TANC2: variants seen among roughly 807,000 people sequenced by gnomAD.
TANC2 encodes tetratricopeptide repeat, ankyrin repeat and coiled-coil containing 2, also known as protein TANC2.
A neutral mutation model predicts 210.5 loss-of-function variants in TANC2; 26 were observed. The ratio of observed to expected loss-of-function variants is 0.12; its 90% confidence interval spans 0.09 to 0.17. The LOEUF is 0.17. Ranked by LOEUF, TANC2 falls within the 10% of genes least tolerant of loss-of-function variation. The pLI is 1.00. For missense variants in TANC2, 2,129 were observed against 2,608.9 expected (o/e 0.82, Z 4.01); for synonymous variants, 931 against 967.1 (o/e 0.96, Z 0.69).
chr17:63,354,988 C>G, exon 14 of TANC2: 1 of 1,613,862 alleles, frequency 6.2e-7, no homozygotes, highest in Non-Finnish European at 8.5e-7. Context: ...AGTCAAGGGT[C>G]CTATCTATAT....
chr17:63,411,768 G>T, intron 22 of TANC2, 82 bp downstream of exon 22: 1 of 1,496,116 alleles, frequency 6.7e-7, no homozygotes, highest in Non-Finnish European at 9.0e-7. Context: ...AAAGTGGAGT[G>T]ATGTATTGAT....
chr17:63,066,554 C>T (rs1410082175), intron 2 of TANC2, among the ~76,000 whole-genome samples: 1 of 152,074 alleles, frequency 6.6e-6, no homozygotes, highest in Non-Finnish European at 1.5e-5. Context: ...GAAAGGAACT[C>T]AACACTCAGA....
At chr17:63,044,569 T>C (rs775363012) in intron 2 of TANC2, among the ~76,000 whole-genome samples, 4 of 152,182 alleles carry the variant, frequency 2.6e-5, no homozygotes, top group Non-Finnish European at 5.9e-5. Context: ...TTCCAGTGAA[T>C]ATCCTTACCC....
chr17:63,143,550 T>C (rs2039362504), intron 4 of TANC2, among the ~76,000 whole-genome samples: 1 of 152,180 alleles, frequency 6.6e-6, no homozygotes, highest in African/African-American at 2.4e-5. Flanking sequence ...TATCACAACC[T>C]CTTTATTTTA....
intron 2 of TANC2, among the ~76,000 whole-genome samples, chr17:63,032,363 T>A (rs546806782): frequency 6.6e-6 from 1 of 152,248 alleles, no homozygotes; most frequent in South Asian, 2.1e-4. Context: ...GTTAGCTGCC[T>A]ATCCCAGTGC....
Position 63,418,823 on chromosome 17 carries a change from C to G in TANC2, c.4268+416C>G, listed in dbSNP as rs988212247. 6.6e-6 allele frequency among the ~76,000 whole-genome samples: 1 copy of G among 152,172 alleles called. No homozygotes were observed. The highest frequency in any genetic ancestry group is 1.9e-4 in the East Asian group (1 of 5,196). On this transcript the variant is annotated intron_variant, in intron 27 of 27. Transcript: ENST00000689528. The surrounding 1 kb of genome is among the most constrained non-coding windows in gnomAD (Gnocchi z 4.6). Reference sequence around the variant, plus strand: ...CATCACAGGTTCCTCTTCCTTCTCCCATAGGCGTTTGAGGAATCCCGGATT... The same window carrying G: ...CATCACAGGTTCCTCTTCCTTCTCCGATAGGCGTTTGAGGAATCCCGGATT...
intron 2 of TANC2, among the ~76,000 whole-genome samples, chr17:63,058,253 A>G (rs1175824411): frequency 6.6e-6 from 1 of 152,022 alleles, no homozygotes; most frequent in Non-Finnish European, 1.5e-5. Flanking sequence ...ATGTCTATTC[A>G]TGTCCTTTGC....
rs57550590 is a variant in TANC2 at position 63,046,325 on chromosome 17, C to CTTTTTTTTTTTTTTTTTTTT, written c.68-27613_68-27594dup. On this transcript the variant is annotated intron_variant, in intron 2 of 27. Transcript: ENST00000689528. ...CAGGTGCGTGCCACCACACCCAGCT[C>CTTTTTTTTTTTTTTTTTTTT]TTTTTTTTTTTTTTTTTTTTTTTTG... Among the ~76,000 whole-genome samples, 13 of 44,142 alleles carry CTTTTTTTTTTTTTTTTTTTT rather than the reference C, an allele frequency of 2.9e-4. 4 individuals carry two copies. Among genetic ancestry groups the CTTTTTTTTTTTTTTTTTTTT allele is most frequent in the African/African-American group, 1.2e-3 (10 of 8,536 alleles). The allele number at this position is 44,142 out of a possible 152,430, so 29.0% of individuals were successfully genotyped here.
At chr17:63,378,638 G>A (rs2047503544) in intron 14 of TANC2, among the ~76,000 whole-genome samples, 1 of 152,242 alleles carries the variant, frequency 6.6e-6, no homozygotes, top group African/African-American at 2.4e-5. Flanking sequence ...AGATAAAAGA[G>A]CTTTCTCTTT....
intron 11 of TANC2, among the ~76,000 whole-genome samples, chr17:63,328,620 C>T (rs182509436): frequency 6.6e-6 from 1 of 151,386 alleles, no homozygotes; most frequent in African/African-American, 2.4e-5. Flanking sequence ...AGATAGTTAC[C>T]AGAGACTGGG....
At chr17:63,262,291 C>A (rs1324219050) in intron 8 of TANC2, among the ~76,000 whole-genome samples, 1 of 152,128 alleles carries the variant, frequency 6.6e-6, no homozygotes, top group Non-Finnish European at 1.5e-5. Context: ...GCAATTCTCT[C>A]ACCTCAGCCT....
chr17:63,270,948 A>G (rs1167300408), intron 9 of TANC2, among the ~76,000 whole-genome samples: 1 of 152,142 alleles, frequency 6.6e-6, no homozygotes, highest in African/African-American at 2.4e-5. Context: ...TTAGTTCACC[A>G]AGGATAACAG....
At chr17:62,974,994 C>T (rs770826808) in intron 1 of TANC2, among the ~76,000 whole-genome samples, 8 of 152,110 alleles carry the variant, frequency 5.3e-5, no homozygotes, top group Admixed American at 1.3e-4. Flanking sequence ...CATATGATGA[C>T]GTAGCTGATT....
chr17:63,166,059 C>A (rs2145523788), intron 5 of TANC2, among the ~76,000 whole-genome samples: 1 of 152,262 alleles, frequency 6.6e-6, no homozygotes, highest in East Asian at 1.9e-4. Context: ...AGACTGGGGG[C>A]AGTTTTGTAT....
chr17:63,354,034 G>C (rs1477306857), intron 13 of TANC2, among the ~76,000 whole-genome samples: 1 of 152,166 alleles, frequency 6.6e-6, no homozygotes, highest in Non-Finnish European at 1.5e-5. Flanking sequence ...GTAGTAGCTG[G>C]AAGGAAGAAT....
intron 4 of TANC2, among the ~76,000 whole-genome samples, chr17:63,140,557 A>T (rs1253092174): frequency 6.6e-6 from 1 of 152,126 alleles, no homozygotes; most frequent in Non-Finnish European, 1.5e-5. Flanking sequence ...GGCTCAAACT[A>T]GTCTTCTAAA....
At chr17:63,052,868 C>G (rs2035630981) in intron 2 of TANC2, among the ~76,000 whole-genome samples, 1 of 152,152 alleles carries the variant, frequency 6.6e-6, no homozygotes, top group African/African-American at 2.4e-5. Context: ...TTTGTGAACA[C>G]TAAAACTTGA....
At chr17:63,246,497 C>T (rs962553351) in intron 8 of TANC2, among the ~76,000 whole-genome samples, 16 of 152,106 alleles carry the variant, frequency 1.1e-4, no homozygotes, top group African/African-American at 3.6e-4. Flanking sequence ...TCCCAGTTCC[C>T]AGGCAACCAC....
chr17:63,204,628 C>T (rs967130022), intron 7 of TANC2, among the ~76,000 whole-genome samples: 5 of 151,352 alleles, frequency 3.3e-5, no homozygotes, highest in African/African-American at 9.7e-5. Flanking sequence ...AAAGACTCAT[C>T]CTAAAGAAGA....
Sources: gnomAD v4.1 joint callset for allele counts (sites outside exome capture counted in the v4.1 genomes callset) on GRCh38, gnomAD v4.1.1 for gene constraint, Gnocchi (gnomAD v3.1) non-coding constraint, MANE v1.5 for transcripts, NCBI Gene and HGNC (gene_info 2026-07-23, HGNC 2026-07-21) for gene names.